TEAD1: variants seen among roughly 807,000 people sequenced by gnomAD.
TEAD1 encodes the protein TEA domain transcription factor 1.
Under a neutral mutation model 54.9 loss-of-function variants are expected in TEAD1, and 9 were observed. The ratio of observed to expected loss-of-function variants is 0.16; its 90% confidence interval spans 0.10 to 0.29. The LOEUF is 0.29. Ranked by LOEUF, TEAD1 falls within the 10% of genes least tolerant of loss-of-function variation. The pLI, the probability that TEAD1 is intolerant of heterozygous loss-of-function variation, is 1.00. For synonymous variants in TEAD1, 200 were observed against 187.8 expected (o/e 1.07, Z -0.53); for missense variants, 387 against 535.9 (o/e 0.72, Z 2.74).
chr11:12,883,055 C>T lies in TEAD1; in HGVS notation c.629C>T (p.Ser210Phe). 1.2e-6 allele frequency: 2 copies of T among 1,614,162 alleles called. No homozygotes were observed. Among genetic ancestry groups the T allele is most frequent in the South Asian group, 1.1e-5 (1 of 91,082 alleles). Residue 210 changes from serine (S) to phenylalanine (F), a missense_variant, in exon 9 of 13, where the codon TCC becomes TTC. This residue lies in a region of TEAD1 where 180 missense variants were observed against 180.6 expected (regional missense o/e 1.00). Coordinates refer to ENST00000527636, the MANE Select transcript of TEAD1 (RefSeq NM_021961.6). ...TCAGTCCCTGCCTGGCAAGGTCGCT[C>T]CATTGGCACAACCAAGCTTCGCCTG...
In TEAD1 at chr11:12,764,452, C is replaced by G. The variant is rs764014650; in HGVS notation, c.202+18C>G. ...AATGTATGGTAAGTGGCCTGGAACACTCCTTTGAAATACTACAACCTGCAG... is the reference window on the plus strand; with the variant it reads ...AATGTATGGTAAGTGGCCTGGAACAGTCCTTTGAAATACTACAACCTGCAG... On this transcript the variant is annotated intron_variant, in intron 3 of 12. Transcript: ENST00000527636. 1 of 1,613,742 alleles carries G rather than the reference C, an allele frequency of 6.2e-7. No individual in the cohort carries two copies. Among genetic ancestry groups the G allele is most frequent in the East Asian group, 2.2e-5 (1 of 44,860 alleles).
intron 2 of TEAD1, among the ~76,000 whole-genome samples, chr11:12,682,479 C>T (rs979256825): frequency 6.6e-6 from 1 of 152,152 alleles, no homozygotes; most frequent in East Asian, 1.9e-4. Flanking sequence ...TTCTGAGTAG[C>T]AGGGATGCTC....
chr11:12,908,153 G>T (rs897963489), intron 10 of TEAD1, among the ~76,000 whole-genome samples: 1 of 152,104 alleles, frequency 6.6e-6, no homozygotes, highest in Non-Finnish European at 1.5e-5. Context: ...TCTAACAGAG[G>T]ATAGTCCAGG....
intron 3 of TEAD1, among the ~76,000 whole-genome samples, chr11:12,837,558 C>A (rs1386227316): frequency 2.0e-5 from 3 of 152,088 alleles, no homozygotes; most frequent in African/African-American, 7.2e-5. Flanking sequence ...GGTTTAGTTA[C>A]TCCTGGTACC....
At chr11:12,683,342 G>A (rs1171780396) in intron 2 of TEAD1, among the ~76,000 whole-genome samples, 1 of 152,208 alleles carries the variant, frequency 6.6e-6, no homozygotes, top group Non-Finnish European at 1.5e-5. Flanking sequence ...TAGTCCTAAG[G>A]ATCTGGGAGG....
At chr11:12,907,483 C>A (rs896427904) in intron 10 of TEAD1, among the ~76,000 whole-genome samples, 4 of 152,222 alleles carry the variant, frequency 2.6e-5, no homozygotes, top group Admixed American at 2.0e-4. Flanking sequence ...ATGACAGCCT[C>A]TTACTCATTT....
chr11:12,811,081 G>C (rs567523006), intron 3 of TEAD1, among the ~76,000 whole-genome samples: 3 of 152,352 alleles, frequency 2.0e-5, no homozygotes, highest in Non-Finnish European at 2.9e-5. Context: ...GAAGTAGACC[G>C]TGATTGATAT....
At chr11:12,869,774 T>C (rs999172853) in intron 5 of TEAD1, among the ~76,000 whole-genome samples, 4 of 152,234 alleles carry the variant, frequency 2.6e-5, no homozygotes, top group Non-Finnish European at 5.9e-5. Context: ...CTTTCTTTCC[T>C]ACCACCCACA....
At chr11:12,735,498 C>T (rs1944512214) in intron 2 of TEAD1, among the ~76,000 whole-genome samples, 1 of 152,052 alleles carries the variant, frequency 6.6e-6, no homozygotes, top group Non-Finnish European at 1.5e-5. Flanking sequence ...GTCATGCTCC[C>T]TACCAAACTC....
At chr11:12,751,355 C>T (rs1274467834) in intron 2 of TEAD1, among the ~76,000 whole-genome samples, 1 of 151,604 alleles carries the variant, frequency 6.6e-6, no homozygotes, top group East Asian at 1.9e-4. Flanking sequence ...CACAAATCCT[C>T]AAAGGTGAGA....
Position 12,864,785 on chromosome 11 carries a change from T to C in TEAD1, c.268-53T>C, listed in dbSNP as rs1287073216. The C allele has an allele frequency of 1.9e-6, 3 of 1,613,758 alleles. No homozygotes were observed. In the East Asian group the frequency reaches 6.7e-5, roughly 36 times the overall value. On this transcript the variant is annotated intron_variant, in intron 4 of 12. Coordinates refer to ENST00000527636, the MANE Select transcript of TEAD1 (RefSeq NM_021961.6). ...TTGCCCACTTGTAGGGGGCTTTTCA[T>C]CTCCATGGTTACAGGCTTTTCCTTT...
intron 11 of TEAD1, among the ~76,000 whole-genome samples, chr11:12,929,204 GCTTTAGGGT>G (rs1948966309): frequency 7.2e-6 from 1 of 139,030 alleles, no homozygotes; most frequent in African/African-American, 3.0e-5. Flanking sequence ...GTGTGTGTCT[GCTTTAGGGT>G]TATGTGAAAT....
intron 2 of TEAD1, among the ~76,000 whole-genome samples, chr11:12,703,120 G>T (rs999928943): frequency 1.3e-5 from 2 of 152,088 alleles, no homozygotes; most frequent in South Asian, 2.1e-4. Context: ...ACCAATGAGC[G>T]CATTCCCCTT....
chr11:12,850,592 A>T (rs959324073), intron 3 of TEAD1, among the ~76,000 whole-genome samples: 1 of 152,222 alleles, frequency 6.6e-6, no homozygotes, highest in Non-Finnish European at 1.5e-5. Flanking sequence ...CAAGTTTCCC[A>T]AGTTCACACA....
intron 2 of TEAD1, among the ~76,000 whole-genome samples, chr11:12,752,930 C>T (rs1944905640): frequency 6.6e-6 from 1 of 151,960 alleles, no homozygotes; most frequent in Non-Finnish European, 1.5e-5. Context: ...AGCTTGACCG[C>T]CTGGGCTCAG....
intron 4 of TEAD1, among the ~76,000 whole-genome samples, chr11:12,862,739 C>T (rs1947532632): frequency 6.6e-6 from 1 of 152,160 alleles, no homozygotes; most frequent in African/African-American, 2.4e-5. Context: ...GAAAAAGTAA[C>T]GCCAGCAGCC....
At chr11:12,706,675 A>G (rs1258390766) in intron 2 of TEAD1, among the ~76,000 whole-genome samples, 9 of 152,164 alleles carry the variant, frequency 5.9e-5, no homozygotes, top group Admixed American at 1.3e-4. Context: ...GAAACTTGTC[A>G]CTGAGCTCTT....
At chr11:12,932,129 A>C (rs1282290914) in intron 12 of TEAD1, among the ~76,000 whole-genome samples, 1 of 152,264 alleles carries the variant, frequency 6.6e-6, no homozygotes, top group Non-Finnish European at 1.5e-5. Flanking sequence ...TCCTTCTAAA[A>C]TTTAGAAGCC....
chr11:12,679,188 C>T (rs908637379), intron 2 of TEAD1, among the ~76,000 whole-genome samples: 3 of 152,074 alleles, frequency 2.0e-5, no homozygotes, highest in Admixed American at 6.5e-5. Context: ...CTTTTTTCTA[C>T]CTTTGTGGCA....
Sources: allele counts gnomAD v4.1 joint callset (sites outside exome capture counted in the v4.1 genomes callset), GRCh38; gene constraint gnomAD v4.1.1; regional missense constraint gnomAD v4.1.1; transcripts MANE v1.5; gene names NCBI Gene and HGNC (gene_info 2026-07-23, HGNC 2026-07-21).